KNTC1: variants seen among roughly 807,000 people sequenced by gnomAD.
KNTC1 encodes kinetochore associated 1.
A neutral mutation model predicts 314.4 loss-of-function variants in KNTC1; 253 were observed. The observed-to-expected ratio is 0.80, with a 90% CI of 0.73 to 0.89. KNTC1 has a LOEUF of 0.89. Ranked by LOEUF, KNTC1 falls within the 40% of genes least tolerant of loss-of-function variation. The pLI is 0.00. For missense variants in KNTC1, 2,475 were observed against 2,572.9 expected, an observed-to-expected ratio of 0.96 and a Z score of 0.82; for synonymous variants, 901 against 901.4, an observed-to-expected ratio of 1.00 and a Z score of 0.01.
chr12:122,554,935 C>T (rs2137802167), intron 16 of KNTC1, among the ~76,000 whole-genome samples: 1 of 152,240 alleles, frequency 6.6e-6, no homozygotes, highest in Admixed American at 6.5e-5. Context: ...GTCCCAGCTA[C>T]TTGAGATGCT....
At position 122,569,699 on chromosome 12, in the gene KNTC1, T is replaced by C. The variant is rs770678455; in HGVS notation, c.1735T>C (p.Phe579Leu). 6.0e-5 allele frequency: 97 copies of C among 1,612,538 alleles called. No individual in the cohort carries two copies. The highest frequency in any genetic ancestry group is 1.0e-5 in the Non-Finnish European group (12 of 1,179,348). The change falls in exon 22 of 64, where the codon TTT becomes CTT. Residue 579 changes from phenylalanine to leucine, a missense_variant. Transcript: ENST00000333479. ...AATTTAGGCAAACTTTGAAAGCAGA[T>C]TTGATGTGAAAATGCTGGAGAGCTT... The part of the protein sequence containing the change: ...LRHRANFESR[F>L]DVKMLESLLN...
intron 45 of KNTC1, chr12:122,601,995 G>A (rs1426798494): frequency 6.5e-6 from 1 of 153,538 alleles, no homozygotes; most frequent in Non-Finnish European, 1.4e-5. Flanking sequence ...TTAATGGGTA[G>A]GTCCAAGACC....
intron 1 of KNTC1, among the ~76,000 whole-genome samples, chr12:122,529,311 T>C (rs1276843410): frequency 1.3e-5 from 2 of 152,236 alleles, no homozygotes. Flanking sequence ...GTAGCACTTA[T>C]GAAACCAATT....
intron 9 of KNTC1, 76 bp downstream of exon 9, chr12:122,546,345 C>T (rs973814742): frequency 1.6e-5 from 14 of 863,928 alleles, no homozygotes; most frequent in Non-Finnish European, 2.6e-5. Context: ...CTTAGACTGA[C>T]ATATGGGTCA....
At chr12:122,547,594 T>A in intron 11 of KNTC1, 64 bp downstream of exon 11, 9 of 1,013,698 alleles carry the variant, frequency 8.9e-6, no homozygotes, top group Non-Finnish European at 1.4e-5. Flanking sequence ...TTGTCTGGTT[T>A]TGTTCAGGTC....
At chr12:122,582,622 G>GAA (rs1175041843) in intron 33 of KNTC1, 83 bp from the exon 34 acceptor site, 129 of 1,148,648 alleles carry the variant, frequency 1.1e-4, no homozygotes, top group South Asian at 1.6e-4. Flanking sequence ...TTGAAATTAT[G>GAA]AAAAAAAAAA....
chr12:122,579,929 G>T lies in KNTC1; in HGVS notation c.2866G>T (p.Ala956Ser), dbSNP rs1214228825. 6.2e-7 allele frequency: 1 copy of T among 1,610,976 alleles called. No individual in the cohort carries two copies. Among genetic ancestry groups the T allele is most frequent in the African/African-American group, 1.3e-5 (1 of 74,874 alleles). ...GGGCAAGGCCTGGAGAATGTCTGTA[G>T]CGAAGACATCCGTGGACATTCTTAA... is the stretch of plus-strand genomic sequence containing the variant. ...KEGKAWRMSV[A>S]KTSVDILKIL... Residue 956 changes from alanine to serine, a missense_variant, in exon 32 of 64, where the codon GCG becomes TCG. Coordinates refer to ENST00000333479, the MANE Select transcript of KNTC1 (RefSeq NM_014708.6).
intron 2 of KNTC1, among the ~76,000 whole-genome samples, chr12:122,533,072 C>T (rs1016326025): frequency 6.6e-5 from 10 of 151,886 alleles, no homozygotes; most frequent in African/African-American, 2.4e-4. Context: ...AAATAAACTA[C>T]ACTTGCTTTG....
intron 2 of KNTC1, among the ~76,000 whole-genome samples, chr12:122,533,232 T>A (rs569664835): frequency 3.3e-5 from 5 of 151,650 alleles, no homozygotes; most frequent in Non-Finnish European, 7.4e-5. Context: ...AGTGGTGTGA[T>A]CTTGGCTCAC....
At position 122,609,394 on chromosome 12, in the gene KNTC1, A is replaced by C. The variant is rs757874880; in HGVS notation, c.5507A>C (p.Glu1836Ala). The change falls in exon 52 of 64, where the codon GAA (glutamate) becomes GCA (alanine). Residue 1836 changes from glutamate to alanine, a missense_variant. Physicochemically the swap from Glu to Ala is moderately radical, Grantham distance 107 (BLOSUM62 -1). Coordinates refer to ENST00000333479, the MANE Select transcript of KNTC1 (RefSeq NM_014708.6). ...PSTKPGEKPS[E>A]LFELQEDEAL... Reference sequence around the variant, plus strand: ...CCTACCTTTTCAAAGAAACCATCAGAATTATTTGAACTTCAAGAAGATGAA... The same window carrying C: ...CCTACCTTTTCAAAGAAACCATCAGCATTATTTGAACTTCAAGAAGATGAA... 6.3e-7 allele frequency: 1 copy of C among 1,583,652 alleles called. No homozygotes were observed. The highest frequency in any genetic ancestry group is 2.2e-5 in the East Asian group (1 of 44,466).
Position 122,574,362 on chromosome 12 carries a change from G to A in KNTC1, c.2364G>A (p.Ala788=), listed in dbSNP as rs754034900. 2.2e-5 allele frequency: 36 copies of A among 1,603,380 alleles called. No homozygotes were observed. The highest frequency in any genetic ancestry group is 2.7e-5 in the Non-Finnish European group (32 of 1,172,720). Residue 788 remains alanine, a synonymous_variant, in exon 27 of 64, where the codon GCG becomes GCA. Coordinates refer to ENST00000333479, the MANE Select transcript of KNTC1 (RefSeq NM_014708.6). ...AWEAKAMAVI[A]CLSDTDLIFD... The stretch of plus-strand genomic sequence containing the variant: ...AAGCAAAGGCCATGGCAGTAATAGC[G>A]TGTTTATCTGACACGGACGTAAGTA...
At chr12:122,530,838 C>T (rs1418365889) in intron 2 of KNTC1, among the ~76,000 whole-genome samples, 1 of 152,142 alleles carries the variant, frequency 6.6e-6, no homozygotes, top group African/African-American at 2.4e-5. Flanking sequence ...ATCTGTGTTC[C>T]TCCTGTTTCC....
chr12:122,614,149 C>T (rs1368943244), intron 55 of KNTC1, among the ~76,000 whole-genome samples: 1 of 152,170 alleles, frequency 6.6e-6, no homozygotes, highest in African/African-American at 2.4e-5. Flanking sequence ...GTCTGTATCC[C>T]TGAGCAACTC....
chr12:122,622,317 A>G, intron 61 of KNTC1, 145 bp from the exon 62 acceptor site: 1 of 705,244 alleles, frequency 1.4e-6, no homozygotes, highest in Non-Finnish European at 2.4e-6. Flanking sequence ...AAGGAGGCGC[A>G]GTCACAATGC....
At chr12:122,530,523 T>C (rs1961229053) in intron 2 of KNTC1, among the ~76,000 whole-genome samples, 2 of 151,880 alleles carry the variant, frequency 1.3e-5, no homozygotes, top group East Asian at 3.9e-4. Flanking sequence ...TGATCACGGC[T>C]CACTGCAATC....
At chr12:122,554,250 T>A (rs28578418) in intron 16 of KNTC1, among the ~76,000 whole-genome samples, 1 of 150,964 alleles carries the variant, frequency 6.6e-6, no homozygotes, top group Admixed American at 6.6e-5. Context: ...ATATTTATTT[T>A]TATATATATT....
chr12:122,622,595 C>T lies in KNTC1; in HGVS notation c.6503C>T (p.Ala2168Val). ...NNITELVNYL[A>V]NDLSLDEASV... ...ATCACTGAGCTAGTGAACTATTTGG[C>T]AAATGACTTAAGGTAAGTTAATTAA... Residue 2168 changes from alanine to valine, a missense_variant, in exon 62 of 64, where the codon GCA (alanine) becomes GTA (valine). Ala to Val is a moderately conservative substitution (Grantham distance 64). Coordinates refer to ENST00000333479, the MANE Select transcript of KNTC1 (RefSeq NM_014708.6). 4 of 1,528,734 alleles carry T rather than the reference C, an allele frequency of 2.6e-6. No individual in the cohort carries two copies. Among genetic ancestry groups the T allele is most frequent in the Non-Finnish European group, 3.5e-6 (4 of 1,137,812 alleles). 94.7% of individuals were successfully genotyped at this position (1,528,734 alleles called of 1,614,324 possible).
At chr12:122,591,572 A>G (rs1870214226) in intron 42 of KNTC1, 119 bp downstream of exon 42, 1 of 643,730 alleles carries the variant, frequency 1.6e-6, no homozygotes, top group Admixed American at 3.0e-5. Flanking sequence ...TGCCTCATAC[A>G]TTTTATTAAC....
intron 46 of KNTC1, 44 bp downstream of exon 46, chr12:122,602,784 A>G: frequency 6.2e-7 from 1 of 1,610,000 alleles, no homozygotes; most frequent in Non-Finnish European, 8.5e-7. Flanking sequence ...GGATAGCCAA[A>G]TTTTTTTTCT....
Sources: gnomAD v4.1 joint callset for allele counts (sites outside exome capture counted in the v4.1 genomes callset) on GRCh38, gnomAD v4.1.1 for gene constraint, MANE v1.5 for transcripts, NCBI Gene and HGNC (gene_info 2026-07-23, HGNC 2026-07-21) for gene names.